The following SLC13A2 variants were observed in gnomAD, a reference collection of about 807,000 sequenced individuals.
SLC13A2 encodes solute carrier family 13 member 2.
Under a neutral mutation model 58.5 loss-of-function variants are expected in SLC13A2, and 40 were observed. The ratio of observed to expected loss-of-function variants is 0.68; its 90% CI spans 0.53 to 0.89. The LOEUF is 0.89. Among genes scored for constraint, SLC13A2 ranks in the 40% least tolerant of loss-of-function variants. The pLI is 0.00. For missense variants in SLC13A2, 694 were observed against 772.6 expected (o/e 0.90, Z 1.21); for synonymous variants, 341 against 331.6 (o/e 1.03, Z -0.31).
In SLC13A2 at chr17:28,497,470, GTGTGTGCGCATA is replaced by G. The variant is rs1567863142; in HGVS notation, c.*211_*222del. ...GCTGGAATAAAAGGTGTGTGCATGT[GTGTGTGCGCATA>G]TGTGTGCGCCTGCATGGATGTGAGG... On this transcript the variant is annotated 3_prime_UTR_variant, in exon 12 of 12. Coordinates refer to ENST00000314669, the MANE Select transcript of SLC13A2 (RefSeq NM_003984.4). 3.2e-6 allele frequency: 2 copies of G among 619,526 alleles called. No homozygotes were observed. Among genetic ancestry groups the G allele is most frequent in the Non-Finnish European group, 5.6e-6 (2 of 358,982 alleles). The allele number at this position is 619,526 out of a possible 1,614,324, so 38.4% of individuals were successfully genotyped here. A position where few individuals can be genotyped will look rare whatever the true frequency, so the allele number is the denominator to read the frequency against.
intron 1 of SLC13A2, among the ~76,000 whole-genome samples, chr17:28,486,084 A>T (rs2068875621): frequency 2.0e-5 from 3 of 152,248 alleles, no homozygotes; most frequent in Admixed American, 2.0e-4. Flanking sequence ...ATTTTGAAAT[A>T]CAGGTATCAA....
chr17:28,477,272 C>T (rs868963687), intron 1 of SLC13A2, among the ~76,000 whole-genome samples: 1 of 144,440 alleles, frequency 6.9e-6, no homozygotes, highest in Non-Finnish European at 1.5e-5. Flanking sequence ...TGGCTCACTG[C>T]AAGCTCCGCC....
intron 1 of SLC13A2, 68 bp downstream of exon 1, chr17:28,473,882 TG>T: frequency 7.3e-7 from 1 of 1,378,200 alleles, no homozygotes; most frequent in Non-Finnish European, 1.0e-6. Flanking sequence ...GGGCCGGGGT[TG>T]GGCATCCTTA....
Position 28,479,368 on chromosome 17 carries a change from C to G in SLC13A2, c.102+5554C>G, listed in dbSNP as rs1022197628. 2.6e-5 allele frequency among the ~76,000 whole-genome samples: 4 copies of G among 152,048 alleles called. No homozygotes were observed. The East Asian group carries it at 5.8e-4, about 22-fold the overall frequency. The stretch of plus-strand genomic sequence containing the variant: ...TGTGGCTTTGGGGGCTCGAGTGAGG[C>G]CTTAAGAGGCCTCACTAGATTGCTT... On this transcript the variant is annotated intron_variant, in intron 1 of 11. Coordinates refer to ENST00000314669, the MANE Select transcript of SLC13A2 (RefSeq NM_003984.4).
intron 1 of SLC13A2, chr17:28,487,439 C>G: frequency 3.3e-6 from 2 of 609,024 alleles, no homozygotes; most frequent in Non-Finnish European, 4.1e-6. Flanking sequence ...GTTATTACCT[C>G]TGAGAGCAAA....
chr17:28,473,877 G>A (rs990081541), intron 1 of SLC13A2, 63 bp downstream of exon 1: 16 of 1,428,586 alleles, frequency 1.1e-5, no homozygotes, highest in Middle Eastern at 1.8e-4. Flanking sequence ...TGTCTGGGCC[G>A]GGGTTGGGCA....
chr17:28,494,890 G>C lies in SLC13A2; in HGVS notation c.1308+378G>C, dbSNP rs2069110066. 3.3e-5 allele frequency among the ~76,000 whole-genome samples: 5 copies of C among 152,064 alleles called. No individual in the cohort carries two copies. The highest frequency in any genetic ancestry group is 3.3e-4 in the Admixed American group (5 of 15,282). On this transcript the variant is annotated intron_variant, in intron 9 of 11. Transcript: ENST00000314669. This position sits in a 1 kb window ranked among gnomAD's most constrained non-coding sequence, Gnocchi z 4.0. ...GCGGTCTGCCCTCCGCAGCCACCAGGGGGCACCATGATCACACCCACCCAG... is the reference window on the plus strand; with the variant it reads ...GCGGTCTGCCCTCCGCAGCCACCAGCGGGCACCATGATCACACCCACCCAG...
At chr17:28,477,316 C>T (rs1388315534) in intron 1 of SLC13A2, among the ~76,000 whole-genome samples, 1 of 151,108 alleles carries the variant, frequency 6.6e-6, no homozygotes, top group African/African-American at 2.4e-5. Context: ...GCCTTAGCCT[C>T]CCGAGTAGCT....
At position 28,496,351 on chromosome 17, in the gene SLC13A2, C is replaced by A; in HGVS notation, c.1471-99C>A. ...CATGACCAGAGAGTGTATTAGGGTA[C>A]AGGGGTTGTTCCCCAGAGAAGCAGG... On this transcript the variant is annotated intron_variant, in intron 10 of 11. Coordinates refer to ENST00000314669, the MANE Select transcript of SLC13A2 (RefSeq NM_003984.4). The surrounding 1 kb of genome is among the most constrained non-coding windows in gnomAD (Gnocchi z 4.2). 6.9e-7 allele frequency: 1 copy of A among 1,452,618 alleles called. No individual in the cohort carries two copies. The highest frequency in any genetic ancestry group is 9.2e-7 in the Non-Finnish European group (1 of 1,083,444). The allele number at this position is 1,452,618 out of a possible 1,614,324, so 90.0% of individuals were successfully genotyped here.
At chr17:28,481,056 G>A (rs1486378746) in intron 1 of SLC13A2, among the ~76,000 whole-genome samples, 12 of 152,284 alleles carry the variant, frequency 7.9e-5, no homozygotes, top group South Asian at 6.2e-4. Context: ...CCTGTTTATC[G>A]GCACCTGCTA....
At chr17:28,478,379 GT>G (rs1168143301) in intron 1 of SLC13A2, among the ~76,000 whole-genome samples, 1 of 152,232 alleles carries the variant, frequency 6.6e-6, no homozygotes, top group African/African-American at 2.4e-5. Context: ...GAATACAGAT[GT>G]TCCATTCTCA....
rs782539593 is a variant in SLC13A2, at chr17:28,490,792, G to T, written c.460G>T (p.Ala154Ser). Residue 154 changes from alanine (A) to serine (S), a missense_variant, in exon 4 of 12, where the codon GCC becomes TCC. Coordinates refer to ENST00000314669, the MANE Select transcript of SLC13A2 (RefSeq NM_003984.4). ...TSAMMVPIAH[A>S]VLDQLHSSQA... ...AGCCATGATGGTGCCCATCGCACATGCCGTCCTGGACCAGCTGCACAGCTC... is the reference window on the plus strand; with the variant it reads ...AGCCATGATGGTGCCCATCGCACATTCCGTCCTGGACCAGCTGCACAGCTC... 1 of 1,614,144 alleles carries T rather than the reference G, an allele frequency of 6.2e-7. No individual in the cohort carries two copies. The highest frequency in any genetic ancestry group is 8.5e-7 in the Non-Finnish European group (1 of 1,180,030).
rs369818353 is a variant in SLC13A2, at chr17:28,493,998, G to A, written c.1098-19G>A. On this transcript the variant is annotated intron_variant, in intron 7 of 11. Transcript: ENST00000314669. ...CCAAGCGGCTAACCCAGCCCTCCCCGCGCCCCCTCCACCAACAGCATGGTG... is the reference window on the plus strand; with the variant it reads ...CCAAGCGGCTAACCCAGCCCTCCCCACGCCCCCTCCACCAACAGCATGGTG... The A allele has an allele frequency of 1.7e-5, 24 of 1,382,646 alleles. No homozygotes were observed. Among genetic ancestry groups the A allele is most frequent in the East Asian group, 7.5e-5 (3 of 40,208 alleles). 85.6% of individuals were successfully genotyped at this position (1,382,646 alleles called of 1,614,324 possible).
intron 1 of SLC13A2, among the ~76,000 whole-genome samples, chr17:28,487,104 G>A (rs112987554): frequency 3.1e-4 from 47 of 152,292 alleles, no homozygotes; most frequent in African/African-American, 9.1e-4. Context: ...AGCCTGGTCC[G>A]ATTATTAACA....
intron 1 of SLC13A2, among the ~76,000 whole-genome samples, chr17:28,477,256 C>T (rs1333830913): frequency 1.4e-5 from 2 of 138,638 alleles, no homozygotes; most frequent in Non-Finnish European, 3.1e-5. Context: ...TGCAGTGGCA[C>T]AATCTTGGCT....
At chr17:28,482,131 C>A (rs953922233) in intron 1 of SLC13A2, among the ~76,000 whole-genome samples, 7 of 152,254 alleles carry the variant, frequency 4.6e-5, no homozygotes, top group African/African-American at 1.4e-4. Flanking sequence ...GTGATTCCCC[C>A]ACTTCAGCCT....
At chr17:28,488,498 C>T (rs1555602427) in intron 1 of SLC13A2, among the ~76,000 whole-genome samples, 2 of 152,196 alleles carry the variant, frequency 1.3e-5, no homozygotes. Context: ...CATTCTTGCC[C>T]CAGGTCCCCT....
chr17:28,475,522 C>T (rs150160563), intron 1 of SLC13A2, among the ~76,000 whole-genome samples: 28 of 152,342 alleles, frequency 1.8e-4, no homozygotes, highest in African/African-American at 6.5e-4. Context: ...TTCAAGGCCA[C>T]GCTCCTTCCA....
At chr17:28,477,384 C>CA (rs1488808734) in intron 1 of SLC13A2, among the ~76,000 whole-genome samples, 2 of 151,386 alleles carry the variant, frequency 1.3e-5, no homozygotes, top group Non-Finnish European at 2.9e-5. Context: ...TTAGTAGAGA[C>CA]GGGGTTTCAC....
Sources: gnomAD v4.1 joint callset for allele counts (sites outside exome capture counted in the v4.1 genomes callset) on GRCh38, gnomAD v4.1.1 for gene constraint, Gnocchi (gnomAD v3.1) non-coding constraint, MANE v1.5 for transcripts, NCBI Gene and HGNC (gene_info 2026-07-23, HGNC 2026-07-21) for gene names.